Variants in FMNL2 observed in about 807,000 individuals in gnomAD.
FMNL2 encodes the protein formin like 2, also known as formin-like protein 2.
Under a neutral mutation model 130.2 loss-of-function variants are expected in FMNL2, and 51 were observed. The observed-to-expected ratio is 0.39, with a 90% CI of 0.31 to 0.49. The LOEUF is 0.49. FMNL2 is among the 20% of genes least tolerant of loss of function. The pLI, the probability that FMNL2 is intolerant of heterozygous loss-of-function variation, is 0.85. For missense variants in FMNL2, 977 were observed against 1,316.2 expected (o/e 0.74, Z 3.99); for synonymous variants, 465 against 467.1 (o/e 1.00, Z 0.06).
rs2105925649 is a variant in FMNL2, at chr2:152,390,535, T to A, written c.117+54815T>A. On this transcript the variant is annotated intron_variant, in intron 1 of 25. Coordinates refer to ENST00000288670, the MANE Select transcript of FMNL2 (RefSeq NM_052905.4). ...ATGTATGACCAGAGACAGAAGTCCA[T>A]GGGGCTGCCAATCTCAGACGAACAG... The A allele has an allele frequency of 2.6e-6, 4 of 1,536,484 alleles. No homozygotes were observed. The Admixed American group carries it at 6.7e-5, about 26-fold the overall frequency.
rs761749436 is a variant in FMNL2, at chr2:152,549,009, C to A, written c.283-12C>A. On this transcript the variant is annotated splice_polypyrimidine_tract_variant and intron_variant, in intron 3 of 25. Transcript: ENST00000288670. Reference sequence around the variant, plus strand: ...AAAATATTTTGTGAGAATATGTGTTCTTGAATTATAGAAATTCAGACGGCG... The same window carrying A: ...AAAATATTTTGTGAGAATATGTGTTATTGAATTATAGAAATTCAGACGGCG... The A allele has an allele frequency of 1.9e-6, 3 of 1,594,284 alleles. No homozygotes were observed. In the Admixed American group the frequency reaches 5.3e-5, roughly 28 times the overall value.
intron 9 of FMNL2, among the ~76,000 whole-genome samples, chr2:152,596,691 C>T (rs1697790069): frequency 6.6e-6 from 1 of 152,180 alleles, no homozygotes; most frequent in Non-Finnish European, 1.5e-5. Flanking sequence ...GAGATTGACT[C>T]GTAGAAGATA....
intron 1 of FMNL2, among the ~76,000 whole-genome samples, chr2:152,367,177 G>A (rs1459039494): frequency 6.6e-6 from 1 of 150,918 alleles, no homozygotes; most frequent in African/African-American, 2.4e-5. Context: ...CTGGGTTCAA[G>A]CAATTCTCCT....
rs1482520977 is a variant in FMNL2 at position 152,397,762 on chromosome 2, G to A, written c.117+62042G>A. 3.9e-5 allele frequency among the ~76,000 whole-genome samples: 6 copies of A among 152,078 alleles called. No homozygotes were observed. The East Asian group carries it at 1.2e-3, about 29-fold the overall frequency. ...CAAGATAAGTGGACACAATACCACTGAATCTGTAAACTTCTGATTTGTATG... is the reference window on the plus strand; with the variant it reads ...CAAGATAAGTGGACACAATACCACTAAATCTGTAAACTTCTGATTTGTATG... On this transcript the variant is annotated intron_variant, in intron 1 of 25. Coordinates refer to ENST00000288670, the MANE Select transcript of FMNL2 (RefSeq NM_052905.4).
At chr2:152,567,390 A>G (rs1695911157) in intron 6 of FMNL2, among the ~76,000 whole-genome samples, 1 of 152,118 alleles carries the variant, frequency 6.6e-6, no homozygotes, top group South Asian at 2.1e-4. Flanking sequence ...ACAGCGTTTC[A>G]ATGCCTGATT....
At chr2:152,427,538 C>T (rs938685608) in intron 1 of FMNL2, among the ~76,000 whole-genome samples, 1 of 152,004 alleles carries the variant, frequency 6.6e-6, no homozygotes, top group Admixed American at 6.6e-5. Context: ...GAGTGAGACT[C>T]CTTCTTAAAA....
chr2:152,425,784 G>T (rs1009597793), intron 1 of FMNL2, among the ~76,000 whole-genome samples: 2 of 152,144 alleles, frequency 1.3e-5, no homozygotes, highest in Admixed American at 1.3e-4. Flanking sequence ...TTGAAGTCAA[G>T]GTGTAATGCC....
chr2:152,398,697 C>T (rs1280390719), intron 1 of FMNL2, among the ~76,000 whole-genome samples: 2 of 152,172 alleles, frequency 1.3e-5, no homozygotes, highest in Non-Finnish European at 2.9e-5. Flanking sequence ...ATGAGATATG[C>T]ACCATTATCT....
rs113337010 is a variant in FMNL2, at chr2:152,597,883, T to C, written c.877-9456T>C. On this transcript the variant is annotated intron_variant, in intron 9 of 25. Coordinates refer to ENST00000288670, the MANE Select transcript of FMNL2 (RefSeq NM_052905.4). ...TCTGCTTAAGACCCAGAGGTGACTG[T>C]GGGTGTTAGGGTGAACTTGGGGAAA... Among the ~76,000 whole-genome samples, 71 of 152,224 alleles carry C rather than the reference T, an allele frequency of 4.7e-4. 2 individuals carry two copies. Among genetic ancestry groups the C allele is most frequent in the African/African-American group, 1.6e-3 (66 of 41,518 alleles).
intron 1 of FMNL2, among the ~76,000 whole-genome samples, chr2:152,351,903 AG>A (rs530299356): frequency 1.3e-4 from 20 of 152,316 alleles, no homozygotes; most frequent in African/African-American, 4.1e-4. Context: ...AACTGGCATG[AG>A]GTGGTATCTC....
intron 1 of FMNL2, among the ~76,000 whole-genome samples, chr2:152,439,352 T>C (rs1159611572): frequency 6.6e-6 from 1 of 152,208 alleles, no homozygotes; most frequent in Non-Finnish European, 1.5e-5. Flanking sequence ...TTTTCAAGGT[T>C]CAAGGTTTAT....
chr2:152,468,128 G>T (rs1052479273), intron 1 of FMNL2, among the ~76,000 whole-genome samples: 2 of 152,238 alleles, frequency 1.3e-5, no homozygotes, highest in South Asian at 2.1e-4. Flanking sequence ...CATGGCTTCA[G>T]TGTAGCACTG....
chr2:152,611,753 T>C (rs1580094910), intron 11 of FMNL2, 148 bp downstream of exon 11: 2 of 529,594 alleles, frequency 3.8e-6, no homozygotes, highest in East Asian at 6.0e-5. Flanking sequence ...CTGAGCTGAG[T>C]GATGTACTCT....
intron 6 of FMNL2, among the ~76,000 whole-genome samples, chr2:152,562,249 T>C (rs1695573586): frequency 1.3e-5 from 2 of 152,330 alleles, no homozygotes; most frequent in African/African-American, 4.8e-5. Context: ...CATTTTTTTC[T>C]ACACTACCCC....
At chr2:152,579,402 A>G (rs924864436) in intron 8 of FMNL2, among the ~76,000 whole-genome samples, 9 of 152,226 alleles carry the variant, frequency 5.9e-5, no homozygotes, top group African/African-American at 1.9e-4. Context: ...CGAAAATAGA[A>G]AAATAATTGT....
chr2:152,487,760 A>G (rs1306223208), intron 1 of FMNL2, among the ~76,000 whole-genome samples: 2 of 152,150 alleles, frequency 1.3e-5, no homozygotes, highest in African/African-American at 4.8e-5. Context: ...GAAATATAAT[A>G]AAACACTTTT....
chr2:152,599,405 CTTTTTTTTTTTTTTTTTTTT>C (rs35753197), intron 9 of FMNL2, among the ~76,000 whole-genome samples: 2 of 45,086 alleles, frequency 4.4e-5, no homozygotes, highest in Admixed American at 4.1e-4. Flanking sequence ...TGAAGGTCAT[CTTTTTTTTTTTTTTTTTTTT>C]TTTTTTTTTT....
chr2:152,350,842 C>T (rs369058633), intron 1 of FMNL2, among the ~76,000 whole-genome samples: 5 of 152,268 alleles, frequency 3.3e-5, no homozygotes, highest in African/African-American at 7.2e-5. Context: ...GTCAGGACTT[C>T]GAGACCCACC....
At position 152,615,059 on chromosome 2, in the gene FMNL2, T is replaced by A. The variant is rs1698878570; in HGVS notation, c.1212+59T>A. The A allele has an allele frequency of 1.9e-6, 3 of 1,569,752 alleles. No homozygotes were observed. The South Asian group carries it at 3.4e-5, about 18-fold the overall frequency. On this transcript the variant is annotated intron_variant, in intron 12 of 25. Coordinates refer to ENST00000288670, the MANE Select transcript of FMNL2 (RefSeq NM_052905.4). ...CATTTCAGCTGGTTGCAAAGCAGAA[T>A]TAATGTCAGCTTTTATGGTGGTAAA...
Sources: gnomAD v4.1 joint callset for allele counts (sites outside exome capture counted in the v4.1 genomes callset) on GRCh38, gnomAD v4.1.1 for gene constraint, MANE v1.5 for transcripts, NCBI Gene and HGNC (gene_info 2026-07-23, HGNC 2026-07-21) for gene names.